ITGA9: variants seen among roughly 807,000 people sequenced by gnomAD.
ITGA9 encodes the protein integrin alpha-9.
In ITGA9, 56 loss-of-function variants were observed where a neutral mutation model predicts 127.8. The observed-to-expected ratio is 0.44, with a 90% confidence interval of 0.35 to 0.55. The LOEUF is 0.55. Among genes scored for constraint, ITGA9 ranks in the 20% least tolerant of loss-of-function variants. ITGA9 has a pLI of 0.00. For missense variants in ITGA9, 1,196 were observed against 1,347.1 expected (o/e 0.89, Z 1.76); for synonymous variants, 508 against 514.5 (o/e 0.99, Z 0.17).
chr3:37,577,629 A>T (rs915302698), intron 15 of ITGA9, among the ~76,000 whole-genome samples: 1 of 152,052 alleles, frequency 6.6e-6, no homozygotes, highest in Non-Finnish European at 1.5e-5. Flanking sequence ...CCTTCCTTCA[A>T]CCCCCTTACA....
At chr3:37,711,792 T>C (rs1701082327) in intron 18 of ITGA9, among the ~76,000 whole-genome samples, 1 of 152,222 alleles carries the variant, frequency 6.6e-6, no homozygotes, top group African/African-American at 2.4e-5. Flanking sequence ...TCTACACTTA[T>C]AAGTTAAGTA....
chr3:37,688,164 T>C (rs1700799104), intron 18 of ITGA9, among the ~76,000 whole-genome samples: 2 of 152,172 alleles, frequency 1.3e-5, no homozygotes, highest in Non-Finnish European at 2.9e-5. Flanking sequence ...CAGAAAGATG[T>C]GGGAAGCCTT....
intron 4 of ITGA9, among the ~76,000 whole-genome samples, chr3:37,487,731 G>T (rs1364133898): frequency 6.6e-6 from 1 of 152,106 alleles, no homozygotes; most frequent in Non-Finnish European, 1.5e-5. Flanking sequence ...GGGGTTGACG[G>T]CTTTTAAGTG....
At chr3:37,745,982 C>T (rs548582013) in intron 22 of ITGA9, 81 of 152,134 alleles carry the variant, frequency 5.3e-4, no homozygotes, top group Non-Finnish European at 9.6e-4. Context: ...TAGTGTGTGC[C>T]ATTGATTAGA....
At chr3:37,741,511 C>T (rs976631039) in intron 20 of ITGA9, among the ~76,000 whole-genome samples, 7 of 152,324 alleles carry the variant, frequency 4.6e-5, no homozygotes, top group African/African-American at 1.2e-4. Context: ...GGCCACCTCT[C>T]GAATAAACTA....
intron 8 of ITGA9, among the ~76,000 whole-genome samples, chr3:37,512,116 C>CCTTCCTT (rs1553643204): frequency 3.0e-5 from 2 of 66,328 alleles, no homozygotes; most frequent in African/African-American, 1.3e-4. Context: ...TTCCTTCCTT[C>CCTTCCTT]CTTCTTTCTT....
At chr3:37,524,948 T>G (rs947586814) in intron 12 of ITGA9, among the ~76,000 whole-genome samples, 1 of 152,242 alleles carries the variant, frequency 6.6e-6, no homozygotes, top group Admixed American at 6.5e-5. Flanking sequence ...AGAACAAAAT[T>G]GATACAACAC....
intron 18 of ITGA9, among the ~76,000 whole-genome samples, chr3:37,723,383 C>T (rs540026735): frequency 6.6e-6 from 1 of 152,022 alleles, no homozygotes; most frequent in South Asian, 2.1e-4. Context: ...TTATTTGAGG[C>T]AGAGTCTCGA....
At chr3:37,816,744 G>T (rs2125568510) in intron 27 of ITGA9, among the ~76,000 whole-genome samples, 1 of 152,292 alleles carries the variant, frequency 6.6e-6, no homozygotes, top group Middle Eastern at 3.4e-3. Context: ...GATGAATGTG[G>T]TCTTATGCTG....
intron 8 of ITGA9, among the ~76,000 whole-genome samples, chr3:37,510,024 C>CTT (rs5848025): frequency 0.038 from 5,124 of 136,226 alleles, 141 homozygotes; most frequent in Non-Finnish European, 0.053. Flanking sequence ...TAAAGGATTC[C>CTT]TTTTTTTTTT....
At chr3:37,686,577 A>G (rs1700784459) in intron 18 of ITGA9, among the ~76,000 whole-genome samples, 2 of 152,210 alleles carry the variant, frequency 1.3e-5, no homozygotes, top group South Asian at 4.1e-4. Flanking sequence ...GGAGCACATC[A>G]TTTTGATCTC....
At chr3:37,796,502 A>AATGG (rs1408967003) in intron 26 of ITGA9, among the ~76,000 whole-genome samples, 1 of 146,376 alleles carries the variant, frequency 6.8e-6, no homozygotes, top group Non-Finnish European at 1.5e-5. Flanking sequence ...TGGATGGATG[A>AATGG]ATGGATGGAT....
chr3:37,519,877 T>G (rs1203804594), intron 11 of ITGA9, among the ~76,000 whole-genome samples: 1 of 152,132 alleles, frequency 6.6e-6, no homozygotes, highest in Non-Finnish European at 1.5e-5. Context: ...TGGTGTTCAA[T>G]CTTGCTGATG....
chr3:37,509,971 T>A (rs1290731780), intron 8 of ITGA9, among the ~76,000 whole-genome samples: 1 of 151,740 alleles, frequency 6.6e-6, no homozygotes, highest in Non-Finnish European at 1.5e-5. Flanking sequence ...GGAAACAATC[T>A]CCCTCTTCCC....
intron 16 of ITGA9, among the ~76,000 whole-genome samples, chr3:37,635,708 C>T (rs1056061008): frequency 1.3e-5 from 2 of 151,512 alleles, no homozygotes; most frequent in African/African-American, 4.8e-5. Context: ...TATACATGTG[C>T]CATGTTGGTG....
In ITGA9 at chr3:37,471,268, A is replaced by G. The variant is rs1579046581; in HGVS notation, c.313+134A>G. 4 of 1,019,936 alleles carry G rather than the reference A, an allele frequency of 3.9e-6. No homozygotes were observed. The East Asian group carries it at 9.6e-5, about 25-fold the overall frequency. The allele number at this position is 1,019,936 out of a possible 1,614,324, so 63.2% of individuals were successfully genotyped here. On this transcript the variant is annotated intron_variant, in intron 2 of 27. Transcript: ENST00000264741. ...CTTCCCTCCCTCCTTCTCTCCAACA[A>G]GCATGTATTGAGTACGTAATAGTTA...
At chr3:37,724,916 C>G (rs1178940675) in intron 18 of ITGA9, among the ~76,000 whole-genome samples, 1 of 152,078 alleles carries the variant, frequency 6.6e-6, no homozygotes, top group Non-Finnish European at 1.5e-5. Context: ...TGTATAAGTC[C>G]TTTCAGAGGG....
In ITGA9 at chr3:37,494,659, C is replaced by G. The variant is rs369540238; in HGVS notation, c.612+91C>G. On this transcript the variant is annotated intron_variant, in intron 5 of 27. Coordinates refer to ENST00000264741, the MANE Select transcript of ITGA9 (RefSeq NM_002207.3). ...TTGGCAACCCTTAGAGGTGGGACTT[C>G]TGGAGTCCCAGATACTTGAGCCTCG... 5.5e-5 allele frequency: 56 copies of G among 1,018,658 alleles called. No homozygotes were observed. The East Asian group carries it at 6.9e-4, about 13-fold the overall frequency. 63.1% of individuals were successfully genotyped at this position (1,018,658 alleles called of 1,614,324 possible).
intron 18 of ITGA9, among the ~76,000 whole-genome samples, chr3:37,732,149 G>A (rs1246774203): frequency 6.6e-6 from 1 of 152,108 alleles, no homozygotes; most frequent in Non-Finnish European, 1.5e-5. Flanking sequence ...CTCTCAAGTC[G>A]CTGTGTGCAG....
Sources: gnomAD v4.1 joint callset for allele counts (sites outside exome capture counted in the v4.1 genomes callset) on GRCh38, gnomAD v4.1.1 for gene constraint, MANE v1.5 for transcripts, NCBI Gene and HGNC (gene_info 2026-07-23, HGNC 2026-07-21) for gene names.